Variants in RBMS3 observed in about 807,000 individuals in gnomAD.
RBMS3 encodes RNA-binding motif, single-stranded-interacting protein 3.
Under a neutral mutation model 66.8 loss-of-function variants are expected in RBMS3, and 27 were observed. The observed-to-expected ratio is 0.40, with a 90% CI of 0.30 to 0.56. The LOEUF (loss-of-function observed/expected upper bound fraction) is 0.56, where lower values mean the gene tolerates loss of function less well. RBMS3 is among the 20% of genes least tolerant of loss of function. The pLI is 0.40. For missense variants in RBMS3, 513 were observed against 549.5 expected, an observed-to-expected ratio of 0.93 and a Z score of 0.66; for synonymous variants, 188 against 183.0, an observed-to-expected ratio of 1.03 and a Z score of -0.22.
intron 4 of RBMS3, among the ~76,000 whole-genome samples, chr3:29,665,648 T>C (rs7624637): frequency 0.13 from 19,876 of 152,264 alleles, 1,436 homozygotes; most frequent in Middle Eastern, 0.29. Flanking sequence ...CATTGCCCTT[T>C]TAGGCTCTAT....
chr3:29,947,134 A>G (rs1695377909), intron 12 of RBMS3, among the ~76,000 whole-genome samples: 1 of 151,612 alleles, frequency 6.6e-6, no homozygotes, highest in African/African-American at 2.4e-5. Flanking sequence ...TTTACTAACT[A>G]CAATGTAGTT....
intron 4 of RBMS3, among the ~76,000 whole-genome samples, chr3:29,699,761 C>G (rs2149285953): frequency 6.6e-6 from 1 of 152,250 alleles, no homozygotes; most frequent in East Asian, 1.9e-4. Context: ...ATACATATTG[C>G]TATATTACAT....
intron 2 of RBMS3, among the ~76,000 whole-genome samples, chr3:29,447,490 G>A (rs1362882152): frequency 1.3e-5 from 2 of 152,122 alleles, no homozygotes; most frequent in African/African-American, 4.8e-5. Context: ...ATTTTTAGCT[G>A]TGTCTCTTTA....
chr3:29,303,198 A>C (rs1575502220), intron 1 of RBMS3, among the ~76,000 whole-genome samples: 1 of 152,032 alleles, frequency 6.6e-6, no homozygotes, highest in East Asian at 1.9e-4. Flanking sequence ...AATTTTATAA[A>C]ACTGAAAGGA....
intron 1 of RBMS3, among the ~76,000 whole-genome samples, chr3:29,287,765 C>T (rs1207810563): frequency 6.6e-6 from 1 of 152,022 alleles, no homozygotes; most frequent in Non-Finnish European, 1.5e-5. Flanking sequence ...CTAATCATCA[C>T]TACCATTCAT....
chr3:29,430,191 G>A (rs77615829), intron 1 of RBMS3, among the ~76,000 whole-genome samples: 2,120 of 152,114 alleles, frequency 0.014, 22 homozygotes, highest in Non-Finnish European at 0.024. Flanking sequence ...ACCGCTACCT[G>A]AATCAATCAG....
intron 1 of RBMS3, among the ~76,000 whole-genome samples, chr3:29,338,222 C>A (rs560366876): frequency 6.6e-6 from 1 of 152,094 alleles, no homozygotes; most frequent in African/African-American, 2.4e-5. Flanking sequence ...TTTTCATATG[C>A]CAGTTATAAA....
chr3:29,667,832 AG>A (rs1442251377), intron 4 of RBMS3, among the ~76,000 whole-genome samples: 5 of 152,192 alleles, frequency 3.3e-5, no homozygotes, highest in African/African-American at 1.2e-4. Flanking sequence ...TAAAAACATT[AG>A]TAATCCTGTC....
chr3:29,459,146 T>A (rs767155428), intron 2 of RBMS3, among the ~76,000 whole-genome samples: 5 of 152,184 alleles, frequency 3.3e-5, no homozygotes, highest in Non-Finnish European at 7.4e-5. Context: ...ACCACCCTAT[T>A]ATGTGCAAGG....
intron 10 of RBMS3, among the ~76,000 whole-genome samples, chr3:29,914,847 C>A (rs1211708889): frequency 6.6e-6 from 1 of 151,826 alleles, no homozygotes; most frequent in Non-Finnish European, 1.5e-5. Flanking sequence ...AAAGCTGTTT[C>A]ATTTCCATTT....
At chr3:29,727,338 A>T (rs942114536) in intron 4 of RBMS3, among the ~76,000 whole-genome samples, 9 of 152,182 alleles carry the variant, frequency 5.9e-5, no homozygotes, top group Non-Finnish European at 1.5e-5. Context: ...ACTAAAAGCA[A>T]TTGCAACAAA....
intron 6 of RBMS3, among the ~76,000 whole-genome samples, chr3:29,785,922 T>C (rs932775562): frequency 7.9e-5 from 12 of 152,206 alleles, no homozygotes; most frequent in African/African-American, 2.9e-4. Flanking sequence ...GCTGAAGATA[T>C]GATCGTATAC....
chr3:29,488,393 T>G, intron 2 of RBMS3, 48 bp from the exon 3 acceptor site: 2 of 1,512,956 alleles, frequency 1.3e-6, no homozygotes, highest in Non-Finnish European at 1.8e-6. Context: ...TTTAAGTGTC[T>G]TCAATGGGTT....
chr3:29,996,973 C>G, intron 14 of RBMS3, among the ~76,000 whole-genome samples: 1 of 151,998 alleles, frequency 6.6e-6, no homozygotes, highest in East Asian at 1.9e-4. Flanking sequence ...ATTAATGAAT[C>G]CAGGAGCTGG....
chr3:29,353,301 G>A (rs2037032708), intron 1 of RBMS3, among the ~76,000 whole-genome samples: 2 of 151,856 alleles, frequency 1.3e-5, no homozygotes, highest in Non-Finnish European at 2.9e-5. Context: ...CCCATTAAAT[G>A]TGATGGTGGC....
At chr3:29,981,116 T>A (rs1250838638) in intron 12 of RBMS3, among the ~76,000 whole-genome samples, 1 of 152,230 alleles carries the variant, frequency 6.6e-6, no homozygotes, top group Non-Finnish European at 1.5e-5. Flanking sequence ...CCTTGAGCAG[T>A]GGTTCATAGT....
At chr3:29,499,731 C>CT (rs1341040668) in intron 3 of RBMS3, among the ~76,000 whole-genome samples, 1 of 152,184 alleles carries the variant, frequency 6.6e-6, no homozygotes, top group Non-Finnish European at 1.5e-5. Flanking sequence ...ATTTGGAACA[C>CT]TTTTTCTATG....
chr3:29,689,510 A>T (rs2051881772), intron 4 of RBMS3, among the ~76,000 whole-genome samples: 1 of 152,140 alleles, frequency 6.6e-6, no homozygotes, highest in Non-Finnish European at 1.5e-5. Flanking sequence ...GTATGGCAAG[A>T]GTTGATAATT....
chr3:29,867,291 A>G (rs1042357924), intron 6 of RBMS3, among the ~76,000 whole-genome samples: 38 of 152,078 alleles, frequency 2.5e-4, no homozygotes, highest in African/African-American at 8.7e-4. Flanking sequence ...TCAGTTATCT[A>G]TTAAGACAAT....
Sources: allele counts gnomAD v4.1 joint callset (sites outside exome capture counted in the v4.1 genomes callset), GRCh38; gene constraint gnomAD v4.1.1; transcripts MANE v1.5; gene names NCBI Gene and HGNC (gene_info 2026-07-23, HGNC 2026-07-21).